NUP214: variants seen among roughly 807,000 people sequenced by gnomAD.
NUP214 encodes nuclear pore complex protein Nup214.
A neutral mutation model predicts 196.2 loss-of-function variants in NUP214; 79 were observed. That is an observed-to-expected ratio of 0.40 (90% CI 0.34 to 0.49). The LOEUF (loss-of-function observed/expected upper bound fraction) is 0.49. Ranked by LOEUF, NUP214 falls within the 20% of genes least tolerant of loss-of-function variation. NUP214 has a pLI of 0.58. For synonymous variants in NUP214, 1,020 were observed against 990.5 expected (o/e 1.03, Z -0.56); for missense variants, 2,468 against 2,539.0 (o/e 0.97, Z 0.60).
chr9:131,180,084 G>A (rs1227413204), intron 24 of NUP214, among the ~76,000 whole-genome samples: 1 of 152,178 alleles, frequency 6.6e-6, no homozygotes, highest in Non-Finnish European at 1.5e-5. Context: ...TCCCTAAATG[G>A]TTCATCTGAG....
At chr9:131,152,209 G>GATTACGTGATCCTCCTGC (rs1832292422) in intron 17 of NUP214, among the ~76,000 whole-genome samples, 1 of 152,130 alleles carries the variant, frequency 6.6e-6, no homozygotes, top group African/African-American at 2.4e-5. Flanking sequence ...TACTTCCTGG[G>GATTACGTGATCCTCCTGC]CTTACGTGAT....
intron 11 of NUP214, among the ~76,000 whole-genome samples, chr9:131,143,156 G>T (rs1831975625): frequency 6.6e-6 from 1 of 152,002 alleles, no homozygotes; most frequent in Non-Finnish European, 1.5e-5. Context: ...ACAGGCACAA[G>T]CCATCACACC....
chr9:131,132,682 G>C (rs958335316), intron 6 of NUP214, 23 bp downstream of exon 6: 1 of 1,594,880 alleles, frequency 6.3e-7, no homozygotes, highest in Non-Finnish European at 8.6e-7. Flanking sequence ...TTTCTTATTG[G>C]GCTGACCTCT....
intron 30 of NUP214, among the ~76,000 whole-genome samples, chr9:131,208,263 A>C (rs980554215): frequency 1.3e-5 from 2 of 152,236 alleles, no homozygotes; most frequent in African/African-American, 4.8e-5. Context: ...GATTCGAACA[A>C]ATACTTGTAC....
chr9:131,127,685 T>G lies in NUP214; in HGVS notation c.207T>G (p.Ile69Met). Residue 69 changes from isoleucine (I) to methionine (M), a missense_variant, in exon 2 of 36, where the codon ATT becomes ATG. By Grantham distance (10) the Ile-to-Met change is conservative. Coordinates refer to ENST00000359428, the MANE Select transcript of NUP214 (RefSeq NM_005085.4). ...TTTTTCCTACTAAAAATCTTCTTAT[T>G]CAAAATAAACCCGGAGATGATCCCA... is the stretch of plus-strand genomic sequence containing the variant. ...LQIFPTKNLLIQNKPGDDPNK... is the reference protein window; with the variant it reads ...LQIFPTKNLLMQNKPGDDPNK... The G allele has an allele frequency of 4.3e-6, 7 of 1,614,064 alleles. No individual in the cohort carries two copies. Among genetic ancestry groups the G allele is most frequent in the Non-Finnish European group, 5.9e-6 (7 of 1,179,976 alleles).
At chr9:131,229,818 C>T (rs773391905) in intron 33 of NUP214, 1 of 504,330 alleles carries the variant, frequency 2.0e-6, no homozygotes, top group Non-Finnish European at 3.9e-6. Flanking sequence ...TTGACCTCAC[C>T]ATTAAAAGTG....
At chr9:131,176,542 T>A (rs573045835) in intron 23 of NUP214, among the ~76,000 whole-genome samples, 36 of 152,198 alleles carry the variant, frequency 2.4e-4, no homozygotes, top group African/African-American at 6.7e-4. Flanking sequence ...TTATCCAAGC[T>A]GGTCTCAAAC....
intron 4 of NUP214, among the ~76,000 whole-genome samples, chr9:131,130,151 G>GTTTTTTTTTTTTTTTTT (rs56836232): frequency 1.8e-5 from 2 of 109,200 alleles, no homozygotes; most frequent in Non-Finnish European, 3.4e-5. Context: ...TTTTTTTTTT[G>GTTTTTTTTTTTTTTTTT]TTTTTTTTTT....
intron 30 of NUP214, among the ~76,000 whole-genome samples, chr9:131,212,424 T>G (rs544793736): frequency 1.3e-5 from 2 of 152,202 alleles, no homozygotes; most frequent in Admixed American, 1.3e-4. Context: ...CCATAATAAC[T>G]TACTGGTTTT....
rs1230381452 is a variant in NUP214, at chr9:131,146,213, A to G, written c.1854A>G (p.Pro618=). 1 of 1,614,118 alleles carries G rather than the reference A, an allele frequency of 6.2e-7. No individual in the cohort carries two copies. The highest frequency in any genetic ancestry group is 1.7e-5 in the Admixed American group (1 of 60,012). ...CGCCATTCTCTTCTGCCTCCAAGCC[A>G]GCTGCTTCTGGACCACTCAGCCACC... ...PMSPFSSASK[P]AASGPLSHPT... The change falls in exon 13 of 36, where the codon CCA becomes CCG. Residue 618 remains proline (P), a synonymous_variant. Transcript: ENST00000359428. This position sits in a 1 kb window ranked among gnomAD's most constrained non-coding sequence, Gnocchi z 4.6.
At chr9:131,161,472 T>C (rs534641201) in intron 18 of NUP214, among the ~76,000 whole-genome samples, 4 of 152,266 alleles carry the variant, frequency 2.6e-5, no homozygotes, top group South Asian at 2.1e-4. Context: ...TTGGTTAGGC[T>C]GGTCTCCAAC....
chr9:131,233,600 C>A lies in NUP214; in HGVS notation c.*113C>A. ...GACGTTGCCATCAAAACACATACAC[C>A]CAGAAAGAAACAACAGAAACCAAAA... is the stretch of plus-strand genomic sequence containing the variant. On this transcript the variant is annotated 3_prime_UTR_variant, in exon 36 of 36. Transcript: ENST00000359428. 8.5e-7 allele frequency: 1 copy of A among 1,172,286 alleles called. No homozygotes were observed. Among genetic ancestry groups the A allele is most frequent in the East Asian group, 2.5e-5 (1 of 40,650 alleles). The allele number at this position is 1,172,286 out of a possible 1,614,324, so 72.6% of individuals were successfully genotyped here.
At chr9:131,223,927 G>A (rs1834654861) in intron 32 of NUP214, among the ~76,000 whole-genome samples, 1 of 149,462 alleles carries the variant, frequency 6.7e-6, no homozygotes, top group Non-Finnish European at 1.5e-5. Flanking sequence ...GTAGAGACGG[G>A]GTTTCACCGT....
chr9:131,209,837 C>G (rs1048098280), intron 30 of NUP214, among the ~76,000 whole-genome samples: 54 of 152,168 alleles, frequency 3.5e-4, no homozygotes, highest in African/African-American at 1.3e-3. Context: ...TAAAGCAGCA[C>G]TAAAAAGTAG....
At chr9:131,205,934 C>T (rs1038512906) in intron 30 of NUP214, among the ~76,000 whole-genome samples, 13 of 152,174 alleles carry the variant, frequency 8.5e-5, no homozygotes, top group African/African-American at 2.9e-4. Flanking sequence ...CTGCCCACCT[C>T]GACTTCCCAA....
At chr9:131,147,736 A>G (rs905632483) in intron 14 of NUP214, 152 bp downstream of exon 14, 7 of 641,630 alleles carry the variant, frequency 1.1e-5, no homozygotes, top group Non-Finnish European at 1.7e-5. Context: ...GCGAGGTTTG[A>G]ATACTTGTAT....
At chr9:131,206,141 C>CTTTTTTT (rs1588166866) in intron 30 of NUP214, among the ~76,000 whole-genome samples, 4 of 23,870 alleles carry the variant, frequency 1.7e-4, no homozygotes, top group Admixed American at 5.8e-4. Flanking sequence ...GAATTTTTTT[C>CTTTTTTT]TTTTTTCTTT....
intron 12 of NUP214, among the ~76,000 whole-genome samples, chr9:131,145,127 ACT>A (rs1259228204): frequency 6.6e-6 from 1 of 151,862 alleles, no homozygotes; most frequent in African/African-American, 2.4e-5. Context: ...TCTACCCTTA[ACT>A]CTCTCTGAAC....
chr9:131,145,350 T>C (rs1207867252), intron 12 of NUP214, among the ~76,000 whole-genome samples: 1 of 152,130 alleles, frequency 6.6e-6, no homozygotes, highest in East Asian at 1.9e-4. Flanking sequence ...AATGTAAGCT[T>C]TTGGAGGGAA....
Sources: gnomAD v4.1 joint callset for allele counts (sites outside exome capture counted in the v4.1 genomes callset) on GRCh38, gnomAD v4.1.1 for gene constraint, Gnocchi (gnomAD v3.1) non-coding constraint, MANE v1.5 for transcripts, NCBI Gene and HGNC (gene_info 2026-07-23, HGNC 2026-07-21) for gene names.